The following ABITRAM variants were observed in gnomAD, a reference collection of about 807,000 sequenced individuals.
The protein encoded by ABITRAM is protein Abitram.
A neutral mutation model predicts 22.9 loss-of-function variants in ABITRAM; 19 were observed. That is an observed-to-expected ratio of 0.83 (90% CI 0.58 to 1.22). The LOEUF is 1.22. Ranked by LOEUF, ABITRAM falls within the 50% of genes most tolerant of loss-of-function variation. The pLI is 0.00. For synonymous variants in ABITRAM, 70 were observed against 73.9 expected (o/e 0.95, Z 0.27); for missense variants, 215 against 220.2 (o/e 0.98, Z 0.15).
chr9:108,939,534 TTC>T lies in ABITRAM; in HGVS notation c.409-13_409-12del, dbSNP rs775459435. The T allele has an allele frequency of 2.5e-6, 4 of 1,613,134 alleles. No homozygotes were observed. In the South Asian group the frequency reaches 4.4e-5, roughly 18 times the overall value. On this transcript the variant is annotated splice_polypyrimidine_tract_variant and intron_variant, in intron 5 of 5. Coordinates refer to ENST00000322940, the MANE Select transcript of ABITRAM (RefSeq NM_017832.4). The stretch of plus-strand genomic sequence containing the variant: ...TTTCATCGTTTGACAGTACTAAATG[TTC>T]TTTCCTTTCCAGCCATCTACTGAAG...
downstream of ABITRAM, chr9:108,943,696 C>G: frequency 6.2e-7 from 1 of 1,604,424 alleles, no homozygotes. Flanking sequence ...TCATATGTCT[C>G]TTTTACCTTT....
At chr9:108,943,040 T>G (rs1830290563), downstream of ABITRAM, 1 of 1,607,892 alleles carries the variant, frequency 6.2e-7, no homozygotes, top group African/African-American at 1.3e-5. Context: ...AATACACTTG[T>G]CAACCTACAA....
downstream of ABITRAM, chr9:108,943,708 G>A (rs774716122): frequency 1.9e-6 from 3 of 1,608,696 alleles, no homozygotes; most frequent in African/African-American, 2.7e-5. Context: ...TTTACCTTTA[G>A]AAATACTTTA....
intron 3 of ABITRAM, chr9:108,948,084 T>C: frequency 7.7e-7 from 1 of 1,305,324 alleles, no homozygotes; most frequent in Non-Finnish European, 1.1e-6. Flanking sequence ...TAGGTACAGA[T>C]GTAAGCATAT....
In ABITRAM at chr9:108,934,435, G is replaced by C. The variant is rs1416619839; in HGVS notation, c.-52G>C. On this transcript the variant is annotated 5_prime_UTR_variant, in exon 1 of 6. Transcript: ENST00000322940. Reference sequence around the variant, plus strand: ...AGAGCACGCCCAGTCCGGGCTGCGCGGAGGAAGCGCTGGGGTCCCGGAGGG... The same window carrying C: ...AGAGCACGCCCAGTCCGGGCTGCGCCGAGGAAGCGCTGGGGTCCCGGAGGG... The C allele has an allele frequency of 6.6e-7, 1 of 1,515,644 alleles. No individual in the cohort carries two copies. The highest frequency in any genetic ancestry group is 8.9e-7 in the Non-Finnish European group (1 of 1,121,430). The allele number at this position is 1,515,644 out of a possible 1,614,324, so 93.9% of individuals were successfully genotyped here. A position where few individuals can be genotyped will look rare whatever the true frequency, so the allele number is the denominator to read the frequency against.
intron 1 of ABITRAM, 91 bp downstream of exon 1, chr9:108,934,656 C>A: frequency 8.1e-7 from 1 of 1,228,892 alleles, no homozygotes; most frequent in South Asian, 1.4e-5. Flanking sequence ...CGCGCGCTCT[C>A]CCTGGCTCTC....
chr9:108,944,456 T>A (rs1267813645), downstream of ABITRAM, among the ~76,000 whole-genome samples: 3 of 152,218 alleles, frequency 2.0e-5, no homozygotes, highest in African/African-American at 4.8e-5. Context: ...CCATACATAT[T>A]CCATAACCAG....
In ABITRAM at chr9:108,934,484, G is replaced by T. The variant is rs769239823; in HGVS notation, c.-3G>T. 1.3e-6 allele frequency: 2 copies of T among 1,599,914 alleles called. No individual in the cohort carries two copies. Among genetic ancestry groups the T allele is most frequent in the African/African-American group, 2.7e-5 (2 of 73,646 alleles). On this transcript the variant is annotated 5_prime_UTR_variant, in exon 1 of 6. Transcript: ENST00000322940. ...GGCGGGGGTGGCGGCGCCGGAGGTC[G>T]CCATGGCTACCGAGCCCGAAGCCGC... is the stretch of plus-strand genomic sequence containing the variant.
chr9:108,950,292 A>G (rs1019109962), intron 3 of ABITRAM, among the ~76,000 whole-genome samples: 2 of 152,226 alleles, frequency 1.3e-5, no homozygotes, highest in Non-Finnish European at 2.9e-5. Context: ...GGCCTGGGCC[A>G]TCAGATTTTA....
downstream of ABITRAM, chr9:108,943,183 T>C (rs1830295712): frequency 1.3e-6 from 1 of 777,692 alleles, no homozygotes; most frequent in Non-Finnish European, 2.0e-6. Flanking sequence ...TTTAGGCACA[T>C]GAGCTGACTC....
intron 1 of ABITRAM, 102 bp downstream of exon 1, chr9:108,934,667 C>G (rs369404121): frequency 5.4e-6 from 6 of 1,117,872 alleles, no homozygotes; most frequent in African/African-American, 4.9e-5. Flanking sequence ...CCTGGCTCTC[C>G]GTCCCCACGT....
downstream of ABITRAM, chr9:108,944,058 C>A: frequency 6.5e-7 from 1 of 1,528,876 alleles, no homozygotes; most frequent in South Asian, 1.2e-5. Context: ...AGACTGATGT[C>A]TATGGATAGT....
downstream of ABITRAM, among the ~76,000 whole-genome samples, chr9:108,941,997 T>C (rs1830261376): frequency 6.6e-6 from 1 of 152,256 alleles, no homozygotes. Context: ...TTCCTTATTC[T>C]GTCTTTGTCT....
chr9:108,948,667 G>A (rs1320720111), intron 3 of ABITRAM, among the ~76,000 whole-genome samples: 1 of 152,152 alleles, frequency 6.6e-6, no homozygotes, highest in African/African-American at 2.4e-5. Flanking sequence ...ATCTAACCTT[G>A]ATGAGGCATA....
chr9:108,946,008 A>T (rs1000258177), intron 3 of ABITRAM, among the ~76,000 whole-genome samples: 1 of 152,094 alleles, frequency 6.6e-6, no homozygotes, highest in African/African-American at 2.4e-5. Flanking sequence ...TACTTAAAAC[A>T]TAATAGGATC....
At chr9:108,947,175 G>A (rs184653609) in intron 3 of ABITRAM, among the ~76,000 whole-genome samples, 96 of 149,086 alleles carry the variant, frequency 6.4e-4, no homozygotes, top group Middle Eastern at 3.6e-3. Flanking sequence ...GTGCAGTGGC[G>A]TGATCTCAGC....
At chr9:108,942,643 G>A (rs768036126), downstream of ABITRAM, 8 of 691,716 alleles carry the variant, frequency 1.2e-5, no homozygotes, top group Non-Finnish European at 1.7e-5. Flanking sequence ...TCAGAAAATA[G>A]AGCAAAATTT....
intron 3 of ABITRAM, chr9:108,948,381 A>G: frequency 1.6e-6 from 1 of 625,488 alleles, no homozygotes; most frequent in Non-Finnish European, 2.5e-6. Context: ...TTGTAACTTT[A>G]TGCTTAAAGC....
chr9:108,936,477 C>G (rs369393874), intron 3 of ABITRAM, 40 bp downstream of exon 3: 2 of 1,597,186 alleles, frequency 1.3e-6, no homozygotes, highest in Middle Eastern at 1.7e-4. Flanking sequence ...CTTACATCCT[C>G]TATATTCATG....
Sources: gnomAD v4.1 joint callset for allele counts (sites outside exome capture counted in the v4.1 genomes callset) on GRCh38, gnomAD v4.1.1 for gene constraint, MANE v1.5 for transcripts, NCBI Gene and HGNC (gene_info 2026-07-23, HGNC 2026-07-21) for gene names.